ESCO1: variants seen among roughly 807,000 people sequenced by gnomAD.
ESCO1 encodes the protein N-acetyltransferase ESCO1.
A neutral mutation model predicts 83.5 loss-of-function variants in ESCO1; 33 were observed. The observed-to-expected ratio is 0.40, with a 90% CI of 0.30 to 0.53. ESCO1 has a LOEUF of 0.53. ESCO1 is among the 20% of genes least tolerant of loss of function. The pLI is 0.63. For missense variants in ESCO1, 855 were observed against 968.0 expected (o/e 0.88, Z 1.55); for synonymous variants, 332 against 324.3 (o/e 1.02, Z -0.25).
At chr18:21,594,744 T>C (rs562348621) in intron 1 of ESCO1, among the ~76,000 whole-genome samples, 4 of 152,088 alleles carry the variant, frequency 2.6e-5, no homozygotes, top group African/African-American at 4.8e-5. Context: ...AAATTATCTA[T>C]TTTTGAAGAA....
At chr18:21,550,034 AAT>A (rs2038026174) in intron 8 of ESCO1, among the ~76,000 whole-genome samples, 1 of 152,144 alleles carries the variant, frequency 6.6e-6, no homozygotes, top group Non-Finnish European at 1.5e-5. Flanking sequence ...AATAAATGAA[AAT>A]CCATGTGTTT....
At chr18:21,539,670 T>C (rs1252131342) in intron 9 of ESCO1, among the ~76,000 whole-genome samples, 1 of 152,046 alleles carries the variant, frequency 6.6e-6, no homozygotes, top group East Asian at 1.9e-4. Flanking sequence ...GCCAATATGG[T>C]GAAACCCTGT....
At chr18:21,596,411 G>A (rs576063224) in intron 1 of ESCO1, among the ~76,000 whole-genome samples, 5 of 152,012 alleles carry the variant, frequency 3.3e-5, no homozygotes, top group African/African-American at 7.3e-5. Context: ...AGAATCTTAC[G>A]TATGCTGCCA....
At chr18:21,600,159 G>A (rs1178513860) in intron 1 of ESCO1, among the ~76,000 whole-genome samples, 1 of 152,266 alleles carries the variant, frequency 6.6e-6, no homozygotes, top group African/African-American at 2.4e-5. Context: ...GGCGGCGAGG[G>A]ACTGGCTCCG....
At position 21,560,953 on chromosome 18, in the gene ESCO1, T is replaced by C. The variant is rs1288131023; in HGVS notation, c.1859A>G (p.Asn620Ser). The change falls in exon 8 of 12, where the codon AAT becomes AGT. Residue 620 changes from asparagine to serine, a missense_variant. Asn to Ser is a conservative substitution (Grantham distance 46, BLOSUM62 1). This residue lies in a region of ESCO1 where 129 missense variants were observed against 268.5 expected (regional missense o/e 0.48). Transcript: ENST00000269214. ...AGCTGTATACAGCATTCCACAAACA[T>C]TACAAGAAACTGCTCCAAATCTTTT... ...GQKRFGAVSCNVCGMLYTASN... is the reference protein window; with the variant it reads ...GQKRFGAVSCSVCGMLYTASN... 2.4e-5 allele frequency: 39 copies of C among 1,600,322 alleles called. No individual in the cohort carries two copies. The highest frequency in any genetic ancestry group is 3.3e-5 in the Non-Finnish European group (39 of 1,175,188).
intron 8 of ESCO1, among the ~76,000 whole-genome samples, chr18:21,549,369 A>G (rs2038015448): frequency 6.6e-6 from 1 of 152,100 alleles, no homozygotes; most frequent in African/African-American, 2.4e-5. Context: ...TGATGACACT[A>G]TTGAACTGCT....
In ESCO1 at chr18:21,537,874, C is replaced by G. The variant is rs2037855635; in HGVS notation, c.2044-1689G>C. Among the ~76,000 whole-genome samples the G allele has an allele frequency of 2.0e-5, 3 of 151,930 alleles. No individual in the cohort carries two copies. In the South Asian group the frequency reaches 6.2e-4, roughly 31 times the overall value. On this transcript the variant is annotated intron_variant, in intron 9 of 11. Coordinates refer to ENST00000269214, the MANE Select transcript of ESCO1 (RefSeq NM_052911.3). ...ATTTTCATTTCAGTTGACCCTCGAA[C>G]AACAAAAGTTTGAACTGTGTGGGTC...
At chr18:21,585,715 C>T (rs2038565899) in intron 1 of ESCO1, among the ~76,000 whole-genome samples, 1 of 152,110 alleles carries the variant, frequency 6.6e-6, no homozygotes, top group Admixed American at 6.6e-5. Context: ...ATCTCAGCCT[C>T]CTGAGTAGCT....
chr18:21,561,806 G>A (rs553283907), intron 7 of ESCO1, among the ~76,000 whole-genome samples: 29 of 152,212 alleles, frequency 1.9e-4, no homozygotes, highest in African/African-American at 5.8e-4. Flanking sequence ...GAGCTCAAGC[G>A]ATCCTCCTGC....
At chr18:21,536,236 G>T in intron 9 of ESCO1, 51 bp from the exon 10 acceptor site, 1 of 1,554,454 alleles carries the variant, frequency 6.4e-7, no homozygotes, top group Non-Finnish European at 8.7e-7. Context: ...TTATATACAT[G>T]TAAAAACACA....
At chr18:21,548,766 C>G (rs752575748) in intron 8 of ESCO1, among the ~76,000 whole-genome samples, 2 of 152,114 alleles carry the variant, frequency 1.3e-5, no homozygotes, top group Non-Finnish European at 2.9e-5. Flanking sequence ...AAAGCAAGAT[C>G]TTATCTCTAC....
chr18:21,587,585 T>C (rs758993010), intron 1 of ESCO1, among the ~76,000 whole-genome samples: 3 of 152,174 alleles, frequency 2.0e-5, no homozygotes, highest in Non-Finnish European at 4.4e-5. Flanking sequence ...ATTTTAGTAA[T>C]TTCTCTCATT....
chr18:21,574,023 G>T lies in ESCO1; in HGVS notation c.821C>A (p.Thr274Lys), dbSNP rs151000067. 13 of 1,613,224 alleles carry T rather than the reference G, an allele frequency of 8.1e-6. No homozygotes were observed. The highest frequency in any genetic ancestry group is 1.1e-5 in the Non-Finnish European group (13 of 1,179,984). ...TGGCTGTGGACTTTTTGGGAGTGTT[G>T]TGTTAGTATTCACTTGTGTATGAAC... ...KSVHTQVNTN[T>K]TLPKSPQPSV... Residue 274 changes from threonine to lysine, a missense_variant, in exon 4 of 12, where the codon ACA (threonine) becomes AAA (lysine). Thr to Lys is a moderately conservative substitution (Grantham distance 78). Around this residue, in one of 2 missense-constraint regions of ESCO1, gnomAD observed 726 missense variants for 699.5 expected, o/e 1.04. Transcript: ENST00000269214.
In ESCO1 at chr18:21,575,215, A is replaced by G; in HGVS notation, c.-372T>C. On this transcript the variant is annotated 5_prime_UTR_variant, in exon 4 of 12. Coordinates refer to ENST00000269214, the MANE Select transcript of ESCO1 (RefSeq NM_052911.3). Reference sequence around the variant, plus strand: ...GTTTCAGGCCTAGCTCTATTACTGGAGGAGTTATTTATCAGTGACCTGTTT... The same window carrying G: ...GTTTCAGGCCTAGCTCTATTACTGGGGGAGTTATTTATCAGTGACCTGTTT... 2.6e-6 allele frequency: 1 copy of G among 383,770 alleles called. No homozygotes were observed. Among genetic ancestry groups the G allele is most frequent in the Non-Finnish European group, 4.6e-6 (1 of 217,520 alleles). 23.8% of individuals were successfully genotyped at this position (383,770 alleles called of 1,614,324 possible).
At chr18:21,597,315 T>C (rs2038780537) in intron 1 of ESCO1, among the ~76,000 whole-genome samples, 1 of 152,148 alleles carries the variant, frequency 6.6e-6, no homozygotes, top group Non-Finnish European at 1.5e-5. Flanking sequence ...TGTAATACCA[T>C]CACCATTCCT....
At chr18:21,576,732 G>A (rs1163271973) in intron 2 of ESCO1, among the ~76,000 whole-genome samples, 2 of 151,984 alleles carry the variant, frequency 1.3e-5, no homozygotes, top group Admixed American at 6.6e-5. Context: ...ATAGAGATGC[G>A]GATGAAAATA....
At chr18:21,592,565 A>C (rs1255252125) in intron 1 of ESCO1, among the ~76,000 whole-genome samples, 1 of 121,104 alleles carries the variant, frequency 8.3e-6, no homozygotes, top group Non-Finnish European at 1.7e-5. Flanking sequence ...CTGACCCCCC[A>C]CCTCCCTCCC....
intron 2 of ESCO1, among the ~76,000 whole-genome samples, chr18:21,582,602 GT>G (rs1470415434): frequency 6.6e-6 from 1 of 152,158 alleles, no homozygotes; most frequent in Non-Finnish European, 1.5e-5. Context: ...GAGAAGCCAA[GT>G]TTGAAGGGCA....
intron 4 of ESCO1, among the ~76,000 whole-genome samples, chr18:21,568,780 G>A (rs1171837498): frequency 2.6e-5 from 4 of 151,880 alleles, no homozygotes; most frequent in Non-Finnish European, 5.9e-5. Context: ...GCAAGCACCT[G>A]TAATCCCAGC....
Sources: gnomAD v4.1 joint callset for allele counts (sites outside exome capture counted in the v4.1 genomes callset) on GRCh38, gnomAD v4.1.1 for gene constraint, gnomAD v4.1.1 regional missense constraint, MANE v1.5 for transcripts, NCBI Gene and HGNC (gene_info 2026-07-23, HGNC 2026-07-21) for gene names.